GRIN2D: variants seen among roughly 807,000 people sequenced by gnomAD.
GRIN2D encodes glutamate receptor ionotropic, NMDA 2D.
Under a neutral mutation model 103.2 loss-of-function variants are expected in GRIN2D, and 37 were observed. The observed-to-expected ratio is 0.36, with a 90% CI of 0.28 to 0.47. The LOEUF is 0.47. Among genes scored for constraint, GRIN2D ranks in the 20% least tolerant of loss-of-function variants. GRIN2D has a pLI of 1.00. For missense variants in GRIN2D, 1,557 were observed against 1,910.6 expected (o/e 0.81, Z 3.45); for synonymous variants, 845 against 885.6 (o/e 0.95, Z 0.81).
At position 48,394,225 on chromosome 19, in the gene GRIN2D, G is replaced by A. The variant is rs1185329059; in HGVS notation, c.-306+357G>A. On this transcript the variant is annotated intron_variant, in intron 1 of 13. Transcript: ENST00000263269. This position sits in a 1 kb window ranked among gnomAD's most constrained non-coding sequence, Gnocchi z 5.1. Reference sequence around the variant, plus strand: ...TGTGTGTCCCTCCTCAAGCTCTGGGGGTGTTGAGGGGGAATCCCAGGGAAG... The same window carrying A: ...TGTGTGTCCCTCCTCAAGCTCTGGGAGTGTTGAGGGGGAATCCCAGGGAAG... Among the ~76,000 whole-genome samples the A allele has an allele frequency of 6.6e-6, 1 of 152,008 alleles. No homozygotes were observed. The highest frequency in any genetic ancestry group is 2.4e-5 in the African/African-American group (1 of 41,384).
At chr19:48,398,066 ATC>A (rs939757536) in intron 2 of GRIN2D, among the ~76,000 whole-genome samples, 13 of 106,932 alleles carry the variant, frequency 1.2e-4, no homozygotes, top group Non-Finnish European at 2.0e-4. Flanking sequence ...TCTCTCCTCC[ATC>A]TCTCTCTCTC....
chr19:48,408,827 A>T (rs973136526), intron 4 of GRIN2D, among the ~76,000 whole-genome samples: 2 of 152,000 alleles, frequency 1.3e-5, no homozygotes, highest in African/African-American at 4.8e-5. Flanking sequence ...CTTAAAAAAA[A>T]AAAAAAAGAG....
chr19:48,409,838 T>A (rs144085536), intron 4 of GRIN2D, among the ~76,000 whole-genome samples: 78 of 152,116 alleles, frequency 5.1e-4, no homozygotes, highest in African/African-American at 1.9e-3. Flanking sequence ...TGGAGTGCAG[T>A]GGCACAATCT....
At chr19:48,435,214 C>G (rs192573839) in intron 11 of GRIN2D, among the ~76,000 whole-genome samples, 20 of 151,788 alleles carry the variant, frequency 1.3e-4, no homozygotes, top group Admixed American at 2.6e-4. Flanking sequence ...TCTTCCAGAC[C>G]TTCCTCCTTG....
At chr19:48,419,142 G>C (rs1198697356) in intron 8 of GRIN2D, 92 bp from the exon 9 acceptor site, 1 of 1,241,808 alleles carries the variant, frequency 8.1e-7, no homozygotes, top group East Asian at 2.7e-5. Context: ...GCCTCCCAAA[G>C]TTCTGGGAGT....
Position 48,443,422 on chromosome 19 carries a change from TG to T in GRIN2D, c.3499del (p.Asp1167ThrfsTer351). The T allele has an allele frequency of 7.1e-7, 1 of 1,399,544 alleles. No homozygotes were observed. The highest frequency in any genetic ancestry group is 9.2e-7 in the Non-Finnish European group (1 of 1,081,330). 86.7% of individuals were successfully genotyped at this position (1,399,544 alleles called of 1,614,324 possible). A position where few individuals can be genotyped will look rare whatever the true frequency, so the allele number is the denominator to read the frequency against. ...DKLGGWRAGS[W>X]DYLPPRSGPA... ...GCTCGGGGGCTGGCGCGCCGGGAGC[TG>T]GGACTACCTGCCCCCGCGCAGCGGT... On this transcript the variant is annotated frameshift_variant, in exon 14 of 14. Transcript: ENST00000263269. LOFTEE classifies it high-confidence loss of function. The surrounding 1 kb of genome is among the most constrained non-coding windows in gnomAD (Gnocchi z 8.9).
intron 7 of GRIN2D, among the ~76,000 whole-genome samples, chr19:48,415,765 T>C (rs772963496): frequency 6.6e-6 from 1 of 152,018 alleles, no homozygotes; most frequent in Non-Finnish European, 1.5e-5. Context: ...GAGGTCTTGC[T>C]GGGAGCAGCC....
chr19:48,424,865 C>T (rs74459994), intron 11 of GRIN2D, among the ~76,000 whole-genome samples: 2,586 of 152,232 alleles, frequency 0.017, 30 homozygotes, highest in Middle Eastern at 0.031. Context: ...GGGCGCTGGC[C>T]GCCCCCCAGG....
chr19:48,439,606 C>T (rs963340634), intron 11 of GRIN2D, among the ~76,000 whole-genome samples: 3 of 152,212 alleles, frequency 2.0e-5, no homozygotes, highest in Admixed American at 6.5e-5. Context: ...ACTCCACAGC[C>T]CTGCCCTTCT....
At chr19:48,423,532 C>T (rs1173923975) in intron 11 of GRIN2D, among the ~76,000 whole-genome samples, 9 of 152,058 alleles carry the variant, frequency 5.9e-5, no homozygotes, top group Non-Finnish European at 2.9e-5. Flanking sequence ...GACATTTGTG[C>T]AGAGCCCTGC....
At chr19:48,423,311 A>G (rs1971045115) in intron 11 of GRIN2D, among the ~76,000 whole-genome samples, 1 of 152,152 alleles carries the variant, frequency 6.6e-6, no homozygotes, top group South Asian at 2.1e-4. Context: ...TCCTGCATTT[A>G]CTCAGTCCTT....
Position 48,419,235 on chromosome 19 carries a change from G to T in GRIN2D, c.1737G>T (p.Glu579Asp). ...NGTVSPSAFL[E>D]PYSPAVWVMM... ...AACCACGCACTCCCTTGTCCCCAGA[G>T]CCCTACAGCCCCGCCGTGTGGGTGA... The change falls in exon 9 of 14, where the codon GAG (glutamate) becomes GAT (aspartate). Residue 579 changes from glutamate to aspartate, a missense_variant and splice_region_variant. This residue lies in a region of GRIN2D where 197 missense variants were observed against 334.1 expected (regional missense o/e 0.59). Coordinates refer to ENST00000263269, the MANE Select transcript of GRIN2D (RefSeq NM_000836.4). 1 of 1,605,478 alleles carries T rather than the reference G, an allele frequency of 6.2e-7. No individual in the cohort carries two copies.
At chr19:48,415,899 C>G in intron 7 of GRIN2D, 103 bp from the exon 8 acceptor site, 2 of 1,024,368 alleles carry the variant, frequency 2.0e-6, no homozygotes, top group Non-Finnish European at 3.0e-6. Flanking sequence ...TTCCCTCACC[C>G]TGTCACTGGT....
At chr19:48,432,066 C>T (rs1600990477) in intron 11 of GRIN2D, among the ~76,000 whole-genome samples, 1 of 151,852 alleles carries the variant, frequency 6.6e-6, no homozygotes, top group East Asian at 2.0e-4. Context: ...TGCCCACCAC[C>T]AAGCCCAGCT....
chr19:48,434,215 G>A (rs1971198087), intron 11 of GRIN2D, among the ~76,000 whole-genome samples: 1 of 151,940 alleles, frequency 6.6e-6, no homozygotes. Context: ...CTCCCAAAGT[G>A]CTGGCATTAC....
intron 11 of GRIN2D, among the ~76,000 whole-genome samples, chr19:48,425,283 C>A (rs1419648273): frequency 6.6e-6 from 1 of 152,098 alleles, no homozygotes; most frequent in Non-Finnish European, 1.5e-5. Context: ...GCTCTGTTGC[C>A]CAGGCTGGAG....
chr19:48,400,130 G>A lies in GRIN2D; in HGVS notation c.465+1273G>A, dbSNP rs75701320. On this transcript the variant is annotated intron_variant, in intron 3 of 13. Transcript: ENST00000263269. The stretch of plus-strand genomic sequence containing the variant: ...GGAGCTGGCCAGAGCCTGGAGAAAG[G>A]CCTGACTCCCAAGGGCACAGAAGGG... 1.8e-4 allele frequency among the ~76,000 whole-genome samples: 27 copies of A among 152,312 alleles called. No homozygotes were observed. The East Asian group carries it at 5.2e-3, about 29-fold the overall frequency.
At chr19:48,420,174 A>T (rs1250467196) in intron 10 of GRIN2D, among the ~76,000 whole-genome samples, 1 of 152,076 alleles carries the variant, frequency 6.6e-6, no homozygotes, top group Admixed American at 6.6e-5. Flanking sequence ...CACACCTGTA[A>T]TCCCAGCACG....
intron 11 of GRIN2D, among the ~76,000 whole-genome samples, chr19:48,431,180 C>A (rs559956187): frequency 6.6e-6 from 1 of 152,316 alleles, no homozygotes; most frequent in African/African-American, 2.4e-5. Flanking sequence ...CCAGCCTGGG[C>A]ATAGCCGCCA....
Sources: allele counts gnomAD v4.1 joint callset (sites outside exome capture counted in the v4.1 genomes callset), GRCh38; gene constraint gnomAD v4.1.1; regional missense constraint gnomAD v4.1.1; non-coding constraint Gnocchi (gnomAD v3.1); transcripts MANE v1.5; gene names NCBI Gene and HGNC (gene_info 2026-07-23, HGNC 2026-07-21).